TPTE2: variants seen among roughly 807,000 people sequenced by gnomAD.
TPTE2 encodes the protein phosphatidylinositol 3,4,5-trisphosphate 3-phosphatase TPTE2.
Under a neutral mutation model 78.6 loss-of-function variants are expected in TPTE2, and 53 were observed. The ratio of observed to expected loss-of-function variants is 0.67; its 90% CI spans 0.54 to 0.85. TPTE2 has a LOEUF of 0.85. Among genes scored for constraint, TPTE2 ranks in the 40% least tolerant of loss-of-function variants. The pLI, the probability that TPTE2 is intolerant of heterozygous loss-of-function variation, is 0.00. For synonymous variants in TPTE2, 175 were observed against 206.2 expected (o/e 0.85, Z 1.30); for missense variants, 461 against 623.0 (o/e 0.74, Z 2.77).
intron 1 of TPTE2, among the ~76,000 whole-genome samples, chr13:19,534,021 A>G (rs913355733): frequency 6.6e-6 from 1 of 152,250 alleles, no homozygotes; most frequent in Non-Finnish European, 1.5e-5. Context: ...TCTATCAGAT[A>G]CAGGTGCTTC....
At chr13:19,525,784 A>G (rs1272971983) in intron 1 of TPTE2, among the ~76,000 whole-genome samples, 1 of 152,128 alleles carries the variant, frequency 6.6e-6, no homozygotes, top group African/African-American at 2.4e-5. Flanking sequence ...ATATTTACAG[A>G]TTATGCATCT....
chr13:19,482,737 T>C (rs1041937741), intron 3 of TPTE2, among the ~76,000 whole-genome samples, 190 bp from the exon 7 acceptor site: 6 of 151,996 alleles, frequency 3.9e-5, no homozygotes, highest in African/African-American at 1.2e-4. Context: ...TCTTTCCTCA[T>C]GGATACTCCC....
At chr13:19,560,472 C>G in the TPTE2 span, 62 of 1,599,536 alleles carry the variant, frequency 3.9e-5, no homozygotes, top group African/African-American at 8.0e-5. Context: ...GGGCCACACC[C>G]GGCACCAGCA....
chr13:19,496,068 A>G (rs924855916), intron 1 of TPTE2, among the ~76,000 whole-genome samples: 3 of 152,132 alleles, frequency 2.0e-5, no homozygotes, highest in Non-Finnish European at 2.9e-5. Context: ...GGGTTTCACC[A>G]TGTTGGCCAG....
Position 19,482,736 on chromosome 13 carries a change from A to G in TPTE2, c.120-189T>C, listed in dbSNP as rs947358664. On this transcript the variant is annotated intron_variant, in intron 3 of 19. Transcript: ENST00000400230. ...ATCATTAACCAGAAACTCTTTCCTC[A>G]TGGATACTCCCAACACTTAATTTTG... Among the ~76,000 whole-genome samples the G allele has an allele frequency of 3.9e-5, 6 of 152,074 alleles. No individual in the cohort carries two copies. In the East Asian group the frequency reaches 7.7e-4, roughly 20 times the overall value.
the TPTE2 span, among the ~76,000 whole-genome samples, chr13:19,557,530 AG>A: frequency 6.6e-6 from 1 of 152,208 alleles, no homozygotes; most frequent in Admixed American, 6.5e-5. Context: ...TAGAGACGGG[AG>A]GCAGGGTGAC....
the TPTE2 span, among the ~76,000 whole-genome samples, chr13:19,552,939 A>G: frequency 6.8e-6 from 1 of 147,236 alleles, no homozygotes; most frequent in African/African-American, 2.5e-5. Context: ...CCAGGTAATC[A>G]CTGCCCCCTC....
At chr13:19,493,231 A>G (rs886795173) in intron 2 of TPTE2, among the ~76,000 whole-genome samples, 1 of 151,988 alleles carries the variant, frequency 6.6e-6, no homozygotes, top group African/African-American at 2.4e-5. Context: ...AGTAAATTTC[A>G]CAAACCTCCA....
chr13:19,443,737 T>TACACACACACAC (rs373060672), intron 13 of TPTE2, among the ~76,000 whole-genome samples: 1 of 129,774 alleles, frequency 7.7e-6, no homozygotes, highest in Non-Finnish European at 1.6e-5. Context: ...TGGTAGCTAA[T>TACACACACACAC]ACACACACAC....
chr13:19,505,281 C>T (rs1868930078), upstream of TPTE2, among the ~76,000 whole-genome samples: 1 of 152,078 alleles, frequency 6.6e-6, no homozygotes, highest in Non-Finnish European at 1.5e-5. Flanking sequence ...GATGGGATTA[C>T]AGGCATGCAC....
chr13:19,434,207 G>C (rs1876891503), intron 15 of TPTE2, among the ~76,000 whole-genome samples: 1 of 152,210 alleles, frequency 6.6e-6, no homozygotes, highest in African/African-American at 2.4e-5. Context: ...ACTAGAGAAT[G>C]ATGCAAAGTG....
At chr13:19,457,269 A>G (rs1878594877) in intron 10 of TPTE2, among the ~76,000 whole-genome samples, 1 of 152,218 alleles carries the variant, frequency 6.6e-6, no homozygotes, top group Non-Finnish European at 1.5e-5. Context: ...GCAACCTACC[A>G]TATGTGTTAT....
chr13:19,551,939 C>G, the TPTE2 span, among the ~76,000 whole-genome samples: 1 of 152,142 alleles, frequency 6.6e-6, no homozygotes, highest in African/African-American at 2.4e-5. Flanking sequence ...AAATGTTTAA[C>G]TGATGACAAT....
intron 4 of TPTE2, among the ~76,000 whole-genome samples, chr13:19,477,028 G>T (rs1181038996): frequency 1.3e-5 from 2 of 152,028 alleles, no homozygotes; most frequent in Non-Finnish European, 2.9e-5. Flanking sequence ...ATACTATGCA[G>T]CCATAAAAAA....
At chr13:19,561,320 C>T in the TPTE2 span, 2 of 741,208 alleles carry the variant, frequency 2.7e-6, no homozygotes, top group Admixed American at 3.2e-5. Context: ...AGGCACACGG[C>T]GGGGGCCGCT....
At chr13:19,424,143 C>CT (rs1295418918) in intron 19 of TPTE2, among the ~76,000 whole-genome samples, 1 of 152,178 alleles carries the variant, frequency 6.6e-6, no homozygotes, top group Non-Finnish European at 1.5e-5. Context: ...GTAACAATAA[C>CT]TATCAATTCA....
At chr13:19,488,334 A>T (rs1880781664) in intron 3 of TPTE2, among the ~76,000 whole-genome samples, 1 of 152,212 alleles carries the variant, frequency 6.6e-6, no homozygotes, top group Admixed American at 6.5e-5. Flanking sequence ...TAACAAGAGA[A>T]TTGGCCTCTG....
At chr13:19,550,987 C>T in the TPTE2 span, among the ~76,000 whole-genome samples, 1 of 151,974 alleles carries the variant, frequency 6.6e-6, no homozygotes, top group Non-Finnish European at 1.5e-5. Flanking sequence ...AAGTTTTTAA[C>T]CATGAGGACT....
At chr13:19,482,535 T>C (rs1208340687) in exon 4 of TPTE2, 1 of 1,612,836 alleles carries the variant, frequency 6.2e-7, no homozygotes, top group South Asian at 1.1e-5. Context: ...ACTTGGAAAG[T>C]CGTTCTAACA....
Sources: allele counts gnomAD v4.1 joint callset (sites outside exome capture counted in the v4.1 genomes callset), GRCh38; gene constraint gnomAD v4.1.1; transcripts MANE v1.5; gene names NCBI Gene and HGNC (gene_info 2026-07-23, HGNC 2026-07-21).